The following HK2 variants were observed in gnomAD, a reference collection of about 807,000 sequenced individuals.
The protein encoded by HK2 is hexokinase 2, also known as hexokinase-2.
A neutral mutation model predicts 92.9 loss-of-function variants in HK2; 42 were observed. That is an observed-to-expected ratio of 0.45 (90% confidence interval 0.35 to 0.58). The LOEUF is 0.58. Ranked by LOEUF, HK2 falls within the 20% of genes least tolerant of loss-of-function variation. The pLI, the probability that HK2 is intolerant of heterozygous loss-of-function variation, is 0.00. For missense variants in HK2, 978 were observed against 1,245.1 expected (o/e 0.79, Z 3.23); for synonymous variants, 422 against 468.0 (o/e 0.90, Z 1.27).
At chr2:74,868,878 T>G in intron 3 of HK2, among the ~76,000 whole-genome samples, 1 of 152,368 alleles carries the variant, frequency 6.6e-6, no homozygotes, top group Non-Finnish European at 1.5e-5. Flanking sequence ...TCCCTGTTGC[T>G]TGTATCCTGA....
intron 2 of HK2, among the ~76,000 whole-genome samples, chr2:74,863,398 G>A (rs1161099377): frequency 6.6e-6 from 1 of 152,188 alleles, no homozygotes; most frequent in Non-Finnish European, 1.5e-5. Context: ...AGACACCAGC[G>A]TTAACTGTGA....
chr2:74,836,306 C>T (rs1367309481), intron 1 of HK2, among the ~76,000 whole-genome samples: 1 of 152,206 alleles, frequency 6.6e-6, no homozygotes. Flanking sequence ...AGGGTTGGAA[C>T]CCCGTTGGAG....
chr2:74,893,261 G>A lies in HK2; in HGVS notation c.*2320G>A, dbSNP rs1689726920. The A allele has an allele frequency of 6.6e-6, 1 of 152,200 alleles. No individual in the cohort carries two copies. Among genetic ancestry groups the A allele is most frequent in the Non-Finnish European group, 1.5e-5 (1 of 68,038 alleles). The allele number at this position is 152,200 out of a possible 1,614,324, so 9.4% of individuals were successfully genotyped here. The stretch of plus-strand genomic sequence containing the variant: ...CTCAAATCCTTGAGCACTCAGTCTA[G>A]TGAAGATGTTGTCATTATGTACAAT... On this transcript the variant is annotated 3_prime_UTR_variant, in exon 18 of 18. Transcript: ENST00000290573.
rs112039076 is a variant in HK2 at position 74,871,017 on chromosome 2, T to C, written c.376-1283T>C. Among the ~76,000 whole-genome samples the C allele has an allele frequency of 2.1e-3, 326 of 152,266 alleles. 2 individuals carry two copies. Among genetic ancestry groups the C allele is most frequent in the African/African-American group, 7.6e-3 (315 of 41,544 alleles). Reference sequence around the variant, plus strand: ...TCAGGAGATCCAACAGGTCTGTCAGTTTCCCTCTCCCAACCTCTCAGTTCC... The same window carrying C: ...TCAGGAGATCCAACAGGTCTGTCAGCTTCCCTCTCCCAACCTCTCAGTTCC... On this transcript the variant is annotated intron_variant, in intron 3 of 17. Coordinates refer to ENST00000290573, the MANE Select transcript of HK2 (RefSeq NM_000189.5).
chr2:74,889,354 C>T lies in HK2; in HGVS notation c.2485C>T (p.Arg829Trp), dbSNP rs1361134635. 2 of 1,614,062 alleles carry T rather than the reference C, an allele frequency of 1.2e-6. No homozygotes were observed. Among genetic ancestry groups the T allele is most frequent in the Admixed American group, 1.7e-5 (1 of 60,008 alleles). ...VKEVCTVVAR[R>W]AAQLCGAGMA... ...GGAGGTGTGCACTGTGGTGGCCCGG[C>T]GGGCAGCCCAGCTCTGTGGCGCAGG... Residue 829 changes from arginine to tryptophan, a missense_variant, in exon 17 of 18, where the codon CGG becomes TGG. Transcript: ENST00000290573.
intron 2 of HK2, 135 bp downstream of exon 2, chr2:74,854,590 G>C: frequency 1.1e-5 from 10 of 949,484 alleles, no homozygotes; most frequent in Non-Finnish European, 1.5e-5. Context: ...GAATTGAATG[G>C]AAGGCTGTGT....
chr2:74,840,158 C>A (rs1051968415), intron 1 of HK2, among the ~76,000 whole-genome samples: 4 of 151,194 alleles, frequency 2.6e-5, no homozygotes, highest in African/African-American at 9.7e-5. Context: ...GGGTTTTTCA[C>A]TGTGTTAGCC....
At chr2:74,875,559 C>A (rs1421485570) in intron 7 of HK2, among the ~76,000 whole-genome samples, 1 of 152,132 alleles carries the variant, frequency 6.6e-6, no homozygotes, top group Non-Finnish European at 1.5e-5. Context: ...GAACTCCCGA[C>A]CTCAGGCGGT....
intron 7 of HK2, among the ~76,000 whole-genome samples, chr2:74,876,908 C>T (rs895288725): frequency 1.3e-5 from 2 of 152,180 alleles, no homozygotes; most frequent in East Asian, 3.8e-4. Context: ...CCAGAATGTT[C>T]CATACTCCCT....
At chr2:74,887,850 ACACATCCCTC>A in intron 15 of HK2, 43 bp from the exon 16 acceptor site, 1 of 1,591,482 alleles carries the variant, frequency 6.3e-7, no homozygotes, top group Non-Finnish European at 8.6e-7. Context: ...TCCTGTCTCA[ACACATCCCTC>A]CACCTTCCTA....
At chr2:74,838,537 ATTTTTT>A (rs1278313162) in intron 1 of HK2, among the ~76,000 whole-genome samples, 2 of 126,666 alleles carry the variant, frequency 1.6e-5, no homozygotes, top group African/African-American at 3.0e-5. Flanking sequence ...GATTCTTTCT[ATTTTTT>A]TTTTTTTTTT....
At chr2:74,851,542 T>C (rs750180638) in intron 1 of HK2, among the ~76,000 whole-genome samples, 2 of 152,222 alleles carry the variant, frequency 1.3e-5, no homozygotes, top group Non-Finnish European at 2.9e-5. Flanking sequence ...ATTTGCTTTT[T>C]TGTGTGCATA....
At chr2:74,845,150 A>C (rs910371042) in intron 1 of HK2, among the ~76,000 whole-genome samples, 5 of 152,208 alleles carry the variant, frequency 3.3e-5, no homozygotes, top group Non-Finnish European at 7.3e-5. Context: ...TTGTAAATCC[A>C]TATTTTATTA....
chr2:74,870,545 T>G lies in HK2; in HGVS notation c.376-1755T>G, dbSNP rs1281789777. Among the ~76,000 whole-genome samples, 4 of 145,870 alleles carry G rather than the reference T, an allele frequency of 2.7e-5. No homozygotes were observed. In the East Asian group the frequency reaches 7.8e-4, roughly 29 times the overall value. ...TGGCCTTATCTCTTTGCACAACTTC[T>G]GCATCTCCCTTTTTTTTTTTTTTTT... On this transcript the variant is annotated intron_variant, in intron 3 of 17. Coordinates refer to ENST00000290573, the MANE Select transcript of HK2 (RefSeq NM_000189.5).
intron 2 of HK2, among the ~76,000 whole-genome samples, chr2:74,866,690 A>G (rs537233394): frequency 6.6e-6 from 1 of 152,044 alleles, no homozygotes; most frequent in South Asian, 2.1e-4. Flanking sequence ...CTGGAGTCTC[A>G]CTCATCCTCT....
rs2103959075 is a variant in HK2 at position 74,873,273 on chromosome 2, C to T, written c.496-3C>T. The stretch of plus-strand genomic sequence containing the variant: ...CAATATTCACTTCTTGGTCCCTTTC[C>T]AGAGTTTCCTGGTCTCATGGACCAA... On this transcript the variant is annotated splice_region_variant and splice_polypyrimidine_tract_variant and intron_variant, in intron 4 of 17. Coordinates refer to ENST00000290573, the MANE Select transcript of HK2 (RefSeq NM_000189.5). 1 of 1,610,622 alleles carries T rather than the reference C, an allele frequency of 6.2e-7. No homozygotes were observed. Among genetic ancestry groups the T allele is most frequent in the South Asian group, 1.1e-5 (1 of 91,010 alleles).
intron 12 of HK2, among the ~76,000 whole-genome samples, chr2:74,882,599 T>C (rs76625243): frequency 4.3e-5 from 2 of 46,424 alleles, no homozygotes; most frequent in East Asian, 6.1e-4. Flanking sequence ...CCCATCTCTA[T>C]TGAACTTATA....
At chr2:74,852,688 TAA>T (rs886620139) in intron 1 of HK2, among the ~76,000 whole-genome samples, 19 of 145,602 alleles carry the variant, frequency 1.3e-4, no homozygotes, top group Non-Finnish European at 2.9e-4. Flanking sequence ...ATTAAAAGAT[TAA>T]AAAAAAAAAA....
chr2:74,843,022 T>G (rs996001073), intron 1 of HK2, among the ~76,000 whole-genome samples: 3 of 152,180 alleles, frequency 2.0e-5, no homozygotes, highest in Admixed American at 2.0e-4. Flanking sequence ...GTTTGTCAGT[T>G]AAATACTTGC....
Sources: allele counts gnomAD v4.1 joint callset (sites outside exome capture counted in the v4.1 genomes callset), GRCh38; gene constraint gnomAD v4.1.1; transcripts MANE v1.5; gene names NCBI Gene and HGNC (gene_info 2026-07-23, HGNC 2026-07-21).